Variants in COL26A1 observed in about 807,000 individuals in gnomAD.
COL26A1 encodes the protein collagen alpha-1(XXVI) chain.
A neutral mutation model predicts 59.3 loss-of-function variants in COL26A1; 41 were observed. The ratio of observed to expected loss-of-function variants is 0.69; its 90% confidence interval spans 0.54 to 0.90. The LOEUF is 0.90. Ranked by LOEUF, COL26A1 falls within the 40% of genes least tolerant of loss-of-function variation. COL26A1 has a pLI of 0.00. For missense variants in COL26A1, 612 were observed against 602.3 expected, an observed-to-expected ratio of 1.02 and a Z score of -0.17; for synonymous variants, 266 against 256.0, an observed-to-expected ratio of 1.04 and a Z score of -0.37.
intron 3 of COL26A1, among the ~76,000 whole-genome samples, chr7:101,525,274 T>C (rs1795219947): frequency 7.1e-6 from 1 of 141,250 alleles, no homozygotes; most frequent in Admixed American, 7.5e-5. Flanking sequence ...CTCTGTCTCC[T>C]GGGTTCAAGC....
Position 101,544,008 on chromosome 7 carries a change from G to T in COL26A1, c.615G>T (p.Gly205=). The T allele has an allele frequency of 6.3e-7, 1 of 1,576,942 alleles. No individual in the cohort carries two copies. The highest frequency in any genetic ancestry group is 8.6e-7 in the Non-Finnish European group (1 of 1,161,804). The change falls in exon 6 of 13, where the codon GGG becomes GGT. Residue 205 remains glycine (G), a synonymous_variant. Transcript: ENST00000313669. ...TCCTTCTCTCCCCAGGGCCCCCGGGGCAGACAGGACCACCAGGGCCTGCAG... is the reference window on the plus strand; with the variant it reads ...TCCTTCTCTCCCCAGGGCCCCCGGGTCAGACAGGACCACCAGGGCCTGCAG... ...RRPTGPAGPP[G]QTGPPGPAGP...
At chr7:101,415,191 C>T (rs555803789) in intron 1 of COL26A1, among the ~76,000 whole-genome samples, 8 of 147,546 alleles carry the variant, frequency 5.4e-5, no homozygotes, top group East Asian at 2.2e-4. Flanking sequence ...CTCTCTCTGT[C>T]GCCCAGGCTG....
At chr7:101,373,477 T>TG (rs1412273914) in intron 1 of COL26A1, among the ~76,000 whole-genome samples, 1 of 152,184 alleles carries the variant, frequency 6.6e-6, no homozygotes, top group Non-Finnish European at 1.5e-5. Flanking sequence ...CTCCTGGACT[T>TG]GCACGGATCA....
intron 1 of COL26A1, among the ~76,000 whole-genome samples, chr7:101,407,803 T>G (rs1380216388): frequency 1.3e-5 from 2 of 152,126 alleles, no homozygotes; most frequent in East Asian, 1.9e-4. Flanking sequence ...AATGACCTGA[T>G]AACCCAGCAG....
At chr7:101,489,828 T>TGTC (rs1430976843) in intron 3 of COL26A1, among the ~76,000 whole-genome samples, 1 of 10,928 alleles carries the variant, frequency 9.2e-5, no homozygotes, top group Middle Eastern at 0.024. Flanking sequence ...CTTTCTTTCT[T>TGTC]TCTTTCTTTC....
At chr7:101,497,074 C>T (rs563844203) in intron 3 of COL26A1, among the ~76,000 whole-genome samples, 12 of 151,836 alleles carry the variant, frequency 7.9e-5, no homozygotes, top group South Asian at 2.1e-4. Flanking sequence ...TCCGTCTCTA[C>T]TAAAAATACA....
chr7:101,387,875 T>C (rs979474382), intron 1 of COL26A1, among the ~76,000 whole-genome samples: 15 of 149,880 alleles, frequency 1.0e-4, no homozygotes, highest in African/African-American at 3.4e-4. Context: ...GTTCAAGCGA[T>C]TCTCATACCT....
chr7:101,377,554 G>C (rs1420247764), intron 1 of COL26A1, among the ~76,000 whole-genome samples: 1 of 152,140 alleles, frequency 6.6e-6, no homozygotes, highest in Admixed American at 6.6e-5. Flanking sequence ...AGCCTCTCGA[G>C]TAGGTGGAAC....
intron 2 of COL26A1, among the ~76,000 whole-genome samples, chr7:101,423,860 C>T (rs1007514149): frequency 3.9e-5 from 6 of 152,134 alleles, no homozygotes; most frequent in Non-Finnish European, 7.3e-5. Context: ...ATGAATTTGT[C>T]ATAAGTCTCC....
chr7:101,511,548 C>A (rs1794926326), intron 3 of COL26A1, among the ~76,000 whole-genome samples: 1 of 152,216 alleles, frequency 6.6e-6, no homozygotes, highest in Non-Finnish European at 1.5e-5. Context: ...ACCTGCTGGT[C>A]CCTGGCCATG....
intron 1 of COL26A1, among the ~76,000 whole-genome samples, chr7:101,380,375 A>G (rs1426990328): frequency 6.7e-6 from 1 of 149,652 alleles, no homozygotes; most frequent in Non-Finnish European, 1.5e-5. Context: ...GGCTACTGCA[A>G]CCTCTGCCTT....
chr7:101,362,838 G>T, upstream of COL26A1: 1 of 568,486 alleles, frequency 1.8e-6, no homozygotes, highest in South Asian at 2.2e-5. Flanking sequence ...AGCCCACCTC[G>T]CCGAATTTGA....
chr7:101,493,645 G>A (rs1335924855), intron 3 of COL26A1, among the ~76,000 whole-genome samples: 8 of 151,732 alleles, frequency 5.3e-5, no homozygotes, highest in South Asian at 2.1e-4. Context: ...AATTATGGCC[G>A]GGCGCGGTAG....
chr7:101,363,932 C>T (rs1320551520), intron 1 of COL26A1, among the ~76,000 whole-genome samples: 3 of 152,138 alleles, frequency 2.0e-5, no homozygotes, highest in Non-Finnish European at 4.4e-5. Context: ...CCAGAGGGGT[C>T]ATTCCCGCCC....
chr7:101,408,548 G>A (rs1792178620), intron 1 of COL26A1, among the ~76,000 whole-genome samples: 1 of 152,144 alleles, frequency 6.6e-6, no homozygotes, highest in Non-Finnish European at 1.5e-5. Flanking sequence ...CTACCACAAG[G>A]GCTGGTGGGC....
At chr7:101,442,625 G>T (rs576313929) in intron 2 of COL26A1, among the ~76,000 whole-genome samples, 1 of 152,152 alleles carries the variant, frequency 6.6e-6, no homozygotes, top group Non-Finnish European at 1.5e-5. Context: ...TTTGAAAGGC[G>T]TGACTCCCCA....
At chr7:101,529,580 C>A (rs1405492383) in intron 3 of COL26A1, among the ~76,000 whole-genome samples, 1 of 152,128 alleles carries the variant, frequency 6.6e-6, no homozygotes, top group Non-Finnish European at 1.5e-5. Flanking sequence ...ATGTTGAACA[C>A]TGTACCAGAG....
At chr7:101,423,454 G>A (rs1324152046) in intron 2 of COL26A1, among the ~76,000 whole-genome samples, 1 of 152,160 alleles carries the variant, frequency 6.6e-6, no homozygotes, top group Non-Finnish European at 1.5e-5. Context: ...CTGGGGTCCG[G>A]CCCGGCGTGG....
chr7:101,472,349 TATCAGGGCATCAGGAC>T (rs1314318814), intron 3 of COL26A1, among the ~76,000 whole-genome samples: 4 of 152,182 alleles, frequency 2.6e-5, no homozygotes, highest in Non-Finnish European at 2.9e-5. Context: ...CTTCTTAAGA[TATCAGGGCATCAGGAC>T]ATCTCTTTAA....
Sources: allele counts gnomAD v4.1 joint callset (sites outside exome capture counted in the v4.1 genomes callset), GRCh38; gene constraint gnomAD v4.1.1; transcripts MANE v1.5; gene names NCBI Gene and HGNC (gene_info 2026-07-23, HGNC 2026-07-21).